Variants in NRP2 observed in about 807,000 individuals in gnomAD.
NRP2 encodes the protein neuropilin 2.
Under a neutral mutation model 110.4 loss-of-function variants are expected in NRP2, and 52 were observed. The observed-to-expected ratio is 0.47, with a 90% CI of 0.38 to 0.59. The LOEUF is 0.59. Ranked by LOEUF, NRP2 falls within the 20% of genes least tolerant of loss-of-function variation. The probability of loss-of-function intolerance (pLI) is 0.00; values close to 1 mark genes in which losing one functional copy is unlikely to be tolerated. For missense variants in NRP2, 1,049 were observed against 1,203.0 expected (o/e 0.87, Z 1.89); for synonymous variants, 508 against 468.9 (o/e 1.08, Z -1.08).
chr2:205,767,044 A>G, intron 15 of NRP2: 1 of 580,982 alleles, frequency 1.7e-6, no homozygotes, highest in Non-Finnish European at 3.0e-6. Context: ...AGAGACAAAT[A>G]GGTTACAGAT....
intron 12 of NRP2, among the ~76,000 whole-genome samples, chr2:205,758,618 G>C (rs566145892): frequency 1.6e-4 from 25 of 152,286 alleles, no homozygotes; most frequent in African/African-American, 6.0e-4. Context: ...TGTTTTCCCT[G>C]TATCATTGGC....
chr2:205,788,741 G>A (rs537406766), intron 15 of NRP2, among the ~76,000 whole-genome samples: 17 of 152,158 alleles, frequency 1.1e-4, no homozygotes, highest in African/African-American at 3.9e-4. Context: ...AGTCCTCTCC[G>A]CAATGCCTCA....
intron 15 of NRP2, chr2:205,779,210 A>G (rs1389239893): frequency 6.6e-6 from 1 of 152,248 alleles, no homozygotes; most frequent in African/African-American, 2.4e-5. Flanking sequence ...GCCTTAGTAG[A>G]GGTTTTATGT....
chr2:205,722,172 TACACACACACAC>T (rs10646445), intron 3 of NRP2: 9 of 280,186 alleles, frequency 3.2e-5, no homozygotes, highest in African/African-American at 1.1e-4. Context: ...CTCTCTCTCA[TACACACACACAC>T]ACACACACAC....
chr2:205,765,665 C>T (rs199821524), intron 14 of NRP2, 95 bp downstream of exon 14: 27 of 1,064,874 alleles, frequency 2.5e-5, no homozygotes, highest in African/African-American at 2.2e-4. Context: ...CCAATGCAGT[C>T]GTTACCCAGT....
At chr2:205,777,099 T>C (rs2058112357) in intron 15 of NRP2, 2 of 992,344 alleles carry the variant, frequency 2.0e-6, no homozygotes, top group African/African-American at 1.7e-5. Context: ...GAAAATAATA[T>C]ACTGTACAAG....
intron 1 of NRP2, among the ~76,000 whole-genome samples, chr2:205,696,776 G>C (rs902715334): frequency 6.6e-6 from 1 of 152,190 alleles, no homozygotes; most frequent in East Asian, 1.9e-4. Flanking sequence ...GGCAGACAGC[G>C]CAGAAGAAAC....
At chr2:205,758,918 C>A (rs1490009636) in intron 12 of NRP2, among the ~76,000 whole-genome samples, 1 of 151,936 alleles carries the variant, frequency 6.6e-6, no homozygotes, top group Non-Finnish European at 1.5e-5. Flanking sequence ...AAAAGTAGCC[C>A]CCCGCCCCCA....
intron 1 of NRP2, among the ~76,000 whole-genome samples, chr2:205,690,579 TACACACACACACACACACACACAC>T (rs10591632): frequency 0.012 from 1,524 of 124,270 alleles, 32 homozygotes; most frequent in African/African-American, 0.043. Flanking sequence ...CTGCTAAAAA[TACACACACACACACACACACACAC>T]ACACACACAC....
intron 1 of NRP2, among the ~76,000 whole-genome samples, chr2:205,690,552 A>G (rs556362716): frequency 2.3e-4 from 35 of 151,054 alleles, no homozygotes; most frequent in Non-Finnish European, 4.4e-4. Flanking sequence ...CCTGGCCAAC[A>G]TAGCAAGACC....
intron 14 of NRP2, chr2:205,765,775 A>G: frequency 1.4e-6 from 1 of 710,146 alleles, no homozygotes; most frequent in South Asian, 1.4e-5. Flanking sequence ...GGGACGGCTT[A>G]TATCCCTGTT....
chr2:205,706,892 A>G (rs1575563678), intron 2 of NRP2, among the ~76,000 whole-genome samples: 3 of 152,152 alleles, frequency 2.0e-5, no homozygotes, highest in East Asian at 3.9e-4. Flanking sequence ...ACTGGTCGCT[A>G]CAATATTGTG....
intron 1 of NRP2, among the ~76,000 whole-genome samples, chr2:205,684,713 G>T (rs2056103393): frequency 6.6e-6 from 1 of 152,222 alleles, no homozygotes; most frequent in African/African-American, 2.4e-5. Context: ...CCTGCCAAAG[G>T]GATGGGTGGG....
chr2:205,772,282 A>G (rs1300942224), intron 15 of NRP2, among the ~76,000 whole-genome samples: 1 of 152,234 alleles, frequency 6.6e-6, no homozygotes, highest in Non-Finnish European at 1.5e-5. Flanking sequence ...ACGTTTCCCA[A>G]TTGCATAGTG....
rs772057016 is a variant in NRP2, at chr2:205,795,050, G to A, written c.2773G>A (p.Glu925Lys). Residue 925 changes from glutamate (E) to lysine (K), a missense_variant, in exon 17 of 17, where the codon GAG becomes AAG. Glu to Lys is a moderately conservative substitution (Grantham distance 56). Coordinates refer to ENST00000357785, the MANE Select transcript of NRP2 (RefSeq NM_003872.3). Reference sequence around the variant, plus strand: ...GATGAACCACCAAAAGTGCTGCTCCGAGGCATGACGGATTGCACCTGAATC... The same window carrying A: ...GATGAACCACCAAAAGTGCTGCTCCAAGGCATGACGGATTGCACCTGAATC... The part of the protein sequence containing the change: ...VKMNHQKCCS[E>K]A 4.0e-5 allele frequency: 65 copies of A among 1,613,820 alleles called. No individual in the cohort carries two copies. The highest frequency in any genetic ancestry group is 4.7e-5 in the Non-Finnish European group (55 of 1,179,920).
intron 15 of NRP2, among the ~76,000 whole-genome samples, chr2:205,783,499 T>C (rs2058200366): frequency 6.6e-6 from 1 of 152,196 alleles, no homozygotes; most frequent in South Asian, 2.1e-4. Flanking sequence ...CAGCCAGAGG[T>C]AAACCTACAC....
chr2:205,755,490 A>G (rs1011606593), intron 12 of NRP2, among the ~76,000 whole-genome samples: 1 of 152,232 alleles, frequency 6.6e-6, no homozygotes, highest in African/African-American at 2.4e-5. Context: ...TGATGACTTT[A>G]TGAACCGTTC....
chr2:205,710,736 T>G lies in NRP2; in HGVS notation c.252-5457T>G, dbSNP rs111341348. Among the ~76,000 whole-genome samples, 9 of 152,072 alleles carry G rather than the reference T, an allele frequency of 5.9e-5. 2 individuals carry two copies. The highest frequency in any genetic ancestry group is 1.4e-4 in the African/African-American group (6 of 41,474). Reference sequence around the variant, plus strand: ...TGGGAAGTTGTATGTGACAGTGCTGTTTTTTTTCCTCCTAATTTCCTCACA... The same window carrying G: ...TGGGAAGTTGTATGTGACAGTGCTGGTTTTTTTCCTCCTAATTTCCTCACA... On this transcript the variant is annotated intron_variant, in intron 2 of 16. Transcript: ENST00000357785.
chr2:205,687,318 G>A (rs1445885993), intron 1 of NRP2, among the ~76,000 whole-genome samples: 2 of 152,168 alleles, frequency 1.3e-5, no homozygotes, highest in African/African-American at 2.4e-5. Context: ...AATGTGAGAT[G>A]GCCATTGGCG....
Sources: gnomAD v4.1 joint callset for allele counts (sites outside exome capture counted in the v4.1 genomes callset) on GRCh38, gnomAD v4.1.1 for gene constraint, MANE v1.5 for transcripts, NCBI Gene and HGNC (gene_info 2026-07-23, HGNC 2026-07-21) for gene names.